FAM227B: variants seen among roughly 807,000 people sequenced by gnomAD.
The protein encoded by FAM227B is family with sequence similarity 227 member B.
In FAM227B, 88 loss-of-function variants were observed where a neutral mutation model predicts 73.8. The observed-to-expected ratio is 1.19, with a 90% CI of 1.00 to 1.42. The LOEUF is 1.42. FAM227B is among the 40% of genes most tolerant of loss of function. FAM227B has a pLI of 0.00. For missense variants in FAM227B, 632 were observed against 590.9 expected (o/e 1.07, Z -0.72); for synonymous variants, 210 against 190.5 (o/e 1.10, Z -0.84).
chr15:49,468,569 T>C (rs560979880), intron 11 of FAM227B, among the ~76,000 whole-genome samples: 14 of 152,304 alleles, frequency 9.2e-5, no homozygotes, highest in Non-Finnish European at 1.6e-4. Context: ...TTTTTTACAA[T>C]AGTGGACTTC....
intron 11 of FAM227B, among the ~76,000 whole-genome samples, chr15:49,444,744 A>T (rs1272386146): frequency 6.6e-6 from 1 of 151,724 alleles, no homozygotes; most frequent in Non-Finnish European, 1.5e-5. Flanking sequence ...AATTGCAAAT[A>T]TCTCCAGCTT....
At chr15:49,378,566 T>A (rs1193471563) in intron 11 of FAM227B, among the ~76,000 whole-genome samples, 3 of 152,164 alleles carry the variant, frequency 2.0e-5, no homozygotes, top group Admixed American at 2.0e-4. Flanking sequence ...TATGTGTGAC[T>A]ATTGTAAATG....
intron 7 of FAM227B, 31 bp downstream of exon 7, chr15:49,576,710 T>C (rs766689099): frequency 1.7e-6 from 2 of 1,209,048 alleles, no homozygotes; most frequent in South Asian, 1.3e-5. Flanking sequence ...TGTCAAAATG[T>C]ATCCTACAAT....
At chr15:49,443,322 T>C (rs2051854237) in intron 11 of FAM227B, among the ~76,000 whole-genome samples, 1 of 151,616 alleles carries the variant, frequency 6.6e-6, no homozygotes, top group South Asian at 2.1e-4. Flanking sequence ...AATGTATTTA[T>C]ATGATGGAAA....
intron 5 of FAM227B, among the ~76,000 whole-genome samples, chr15:49,579,306 A>C (rs4775816): frequency 0.25 from 37,992 of 152,124 alleles, 5,708 homozygotes; most frequent in Non-Finnish European, 0.35. Flanking sequence ...ACTACTCAGT[A>C]TCTCTCCAAA....
At chr15:49,591,484 CTTTT>C (rs71120696) in intron 3 of FAM227B, among the ~76,000 whole-genome samples, 1,610 of 55,332 alleles carry the variant, frequency 0.029, 48 homozygotes, top group African/African-American at 0.11. Flanking sequence ...CCCTTCCTTC[CTTTT>C]TTTTTTTTTT....
chr15:49,430,867 G>T (rs2050550700), intron 11 of FAM227B, among the ~76,000 whole-genome samples: 1 of 151,796 alleles, frequency 6.6e-6, no homozygotes, highest in Non-Finnish European at 1.5e-5. Flanking sequence ...CATGAGTTTT[G>T]GAGAGGACAT....
At chr15:49,489,909 G>GAT (rs1158723188) in intron 11 of FAM227B, among the ~76,000 whole-genome samples, 1 of 53,122 alleles carries the variant, frequency 1.9e-5, no homozygotes, top group African/African-American at 4.9e-5. Context: ...GAGAGAGAGA[G>GAT]AGAGACAGAG....
chr15:49,543,962 T>C (rs1249719350), intron 9 of FAM227B, among the ~76,000 whole-genome samples: 1 of 152,122 alleles, frequency 6.6e-6, no homozygotes, highest in African/African-American at 2.4e-5. Flanking sequence ...TTTTGTTTAG[T>C]CTTACTTTGG....
chr15:49,553,741 C>T (rs2073319067), intron 9 of FAM227B, among the ~76,000 whole-genome samples: 1 of 152,180 alleles, frequency 6.6e-6, no homozygotes, highest in Non-Finnish European at 1.5e-5. Context: ...GCCACAGGCT[C>T]TTAAATCAGC....
chr15:49,611,063 C>T (rs567123316), intron 3 of FAM227B, 152 bp downstream of exon 3: 69 of 506,886 alleles, frequency 1.4e-4, no homozygotes, highest in African/African-American at 1.3e-3. Flanking sequence ...ATAGAGCCTA[C>T]TCAAAGGACA....
chr15:49,539,697 G>T (rs34694913), intron 10 of FAM227B, among the ~76,000 whole-genome samples: 38,122 of 152,152 alleles, frequency 0.25, 5,750 homozygotes, highest in Non-Finnish European at 0.35. Context: ...AGGATCTGGG[G>T]TCCAGAGCAT....
intron 13 of FAM227B, among the ~76,000 whole-genome samples, chr15:49,347,445 G>C (rs2041670846): frequency 6.6e-6 from 1 of 152,162 alleles, no homozygotes; most frequent in African/African-American, 2.4e-5. Flanking sequence ...GTATAGGACA[G>C]ATTATTGATG....
chr15:49,424,358 A>C, intron 11 of FAM227B: 1 of 1,613,654 alleles, frequency 6.2e-7, no homozygotes. Flanking sequence ...ATGCTTTCAC[A>C]TTATCTGTCT....
At chr15:49,518,686 C>A (rs1271788230) in intron 10 of FAM227B, among the ~76,000 whole-genome samples, 2 of 152,122 alleles carry the variant, frequency 1.3e-5, no homozygotes, top group African/African-American at 2.4e-5. Flanking sequence ...AAAAAACACT[C>A]CCATGATTCA....
intron 9 of FAM227B, among the ~76,000 whole-genome samples, chr15:49,565,179 C>G (rs2074548802): frequency 1.3e-5 from 2 of 151,812 alleles, no homozygotes; most frequent in Non-Finnish European, 2.9e-5. Flanking sequence ...GTCAGGAGTT[C>G]AAGAACAGTG....
At chr15:49,465,594 A>G (rs2054199520) in intron 11 of FAM227B, among the ~76,000 whole-genome samples, 1 of 70,850 alleles carries the variant, frequency 1.4e-5, no homozygotes, top group South Asian at 3.9e-4. Flanking sequence ...AAACCAAAAA[A>G]GAGAGACCTA....
At chr15:49,583,545 T>C (rs995190827) in intron 5 of FAM227B, among the ~76,000 whole-genome samples, 1 of 151,092 alleles carries the variant, frequency 6.6e-6, no homozygotes, top group African/African-American at 2.4e-5. Flanking sequence ...TAGCATATCA[T>C]CAAAAATAAC....
chr15:49,431,201 C>A (rs1252857933), intron 11 of FAM227B, among the ~76,000 whole-genome samples: 1 of 151,784 alleles, frequency 6.6e-6, no homozygotes, highest in African/African-American at 2.4e-5. Context: ...CAACATCTAA[C>A]ATTTTTACCC....
Sources: allele counts gnomAD v4.1 joint callset (sites outside exome capture counted in the v4.1 genomes callset), GRCh38; gene constraint gnomAD v4.1.1; transcripts MANE v1.5; gene names NCBI Gene and HGNC (gene_info 2026-07-23, HGNC 2026-07-21).